Variants in PDE3B observed in about 807,000 individuals in gnomAD.
PDE3B encodes cGMP-inhibited 3',5'-cyclic phosphodiesterase 3B.
Under a neutral mutation model 116.8 loss-of-function variants are expected in PDE3B, and 66 were observed. That is an observed-to-expected ratio of 0.56 (90% CI 0.46 to 0.69). PDE3B has a LOEUF of 0.69. PDE3B is among the 30% of genes least tolerant of loss of function. PDE3B has a pLI of 0.00. For missense variants in PDE3B, 1,384 were observed against 1,368.1 expected, an observed-to-expected ratio of 1.01 and a Z score of -0.18; for synonymous variants, 595 against 533.6, an observed-to-expected ratio of 1.12 and a Z score of -1.59.
At chr11:14,817,484 T>C (rs1250005156) in intron 5 of PDE3B, among the ~76,000 whole-genome samples, 2 of 152,066 alleles carry the variant, frequency 1.3e-5, no homozygotes, top group African/African-American at 4.8e-5. Context: ...ATGCAGTGGC[T>C]TAAGCTTGTA....
intron 14 of PDE3B, 104 bp from the exon 15 acceptor site, chr11:14,867,402 T>A: frequency 1.1e-6 from 1 of 890,464 alleles, no homozygotes; most frequent in Non-Finnish European, 1.7e-6. Context: ...AATATTTTGA[T>A]ATAGATTGTT....
the PDE3B span, among the ~76,000 whole-genome samples, chr11:14,889,422 G>T: frequency 6.6e-6 from 1 of 152,164 alleles, no homozygotes; most frequent in Admixed American, 6.5e-5. Context: ...ATCAAATGCC[G>T]CTGTAGCCTA....
At chr11:14,842,309 A>AT (rs1205357356) in intron 11 of PDE3B, among the ~76,000 whole-genome samples, 2 of 152,222 alleles carry the variant, frequency 1.3e-5, no homozygotes, top group African/African-American at 4.8e-5. Flanking sequence ...TTGTACTGTT[A>AT]TTTTTTTGGA....
the PDE3B span, among the ~76,000 whole-genome samples, chr11:14,898,461 A>G: frequency 3.9e-5 from 6 of 152,106 alleles, no homozygotes; most frequent in Middle Eastern, 0.01. Context: ...TCTTAGCTAT[A>G]CTTCTGGAAG....
the PDE3B span, chr11:14,879,364 A>T: frequency 6.2e-7 from 1 of 1,611,634 alleles, no homozygotes; most frequent in African/African-American, 1.3e-5. Flanking sequence ...CTGCCTCAGT[A>T]TAAGGCATTT....
downstream of PDE3B, among the ~76,000 whole-genome samples, chr11:14,873,912 G>A (rs954290936): frequency 6.6e-6 from 1 of 152,144 alleles, no homozygotes; most frequent in Non-Finnish European, 1.5e-5. Flanking sequence ...TCTTGGCTGG[G>A]TGTGGTGGTT....
At chr11:14,730,618 C>G (rs1313320494) in intron 1 of PDE3B, among the ~76,000 whole-genome samples, 1 of 152,190 alleles carries the variant, frequency 6.6e-6, no homozygotes, top group Non-Finnish European at 1.5e-5. Context: ...ATTACTTTAA[C>G]AAGTTTCTGC....
At chr11:14,782,854 C>G (rs1436195461) in intron 2 of PDE3B, among the ~76,000 whole-genome samples, 1 of 152,138 alleles carries the variant, frequency 6.6e-6, no homozygotes, top group East Asian at 1.9e-4. Flanking sequence ...TTTTCGCACT[C>G]TATCCATCTG....
chr11:14,779,638 A>G lies in PDE3B; in HGVS notation c.1030-6799A>G, dbSNP rs1857910923. Among the ~76,000 whole-genome samples the G allele has an allele frequency of 3.9e-5, 6 of 152,332 alleles. No individual in the cohort carries two copies. The South Asian group carries it at 1.2e-3, about 32-fold the overall frequency. ...AATGCTGAGAGATTTTGTCACCACC[A>G]GGCCTGCCTTACAAGAGCTCCTGAA... On this transcript the variant is annotated intron_variant, in intron 2 of 15. Coordinates refer to ENST00000282096, the MANE Select transcript of PDE3B (RefSeq NM_000922.4).
intron 6 of PDE3B, 106 bp downstream of exon 6, chr11:14,818,499 C>G: frequency 1.5e-6 from 1 of 680,002 alleles, no homozygotes; most frequent in Admixed American, 2.8e-5. Flanking sequence ...AGCTAAATGA[C>G]CATAGTTTTT....
chr11:14,845,683 G>A lies in PDE3B; in HGVS notation c.2520+1657G>A, dbSNP rs574166319. Among the ~76,000 whole-genome samples, 7 of 152,308 alleles carry A rather than the reference G, an allele frequency of 4.6e-5. No homozygotes were observed. In the South Asian group the frequency reaches 8.3e-4, roughly 18 times the overall value. ...CTGAAAGCCAAGGCTCGAAAACTACGTGAAGAATGCAGAAGCCTCAGGAGC... is the reference window on the plus strand; with the variant it reads ...CTGAAAGCCAAGGCTCGAAAACTACATGAAGAATGCAGAAGCCTCAGGAGC... On this transcript the variant is annotated intron_variant, in intron 12 of 15. Coordinates refer to ENST00000282096, the MANE Select transcript of PDE3B (RefSeq NM_000922.4).
At chr11:14,769,644 T>G (rs138857667) in intron 1 of PDE3B, among the ~76,000 whole-genome samples, 1 of 147,484 alleles carries the variant, frequency 6.8e-6, no homozygotes, top group East Asian at 1.9e-4. Context: ...GTAAAATATA[T>G]GTACATATAT....
intron 1 of PDE3B, among the ~76,000 whole-genome samples, chr11:14,664,562 C>A (rs908464289): frequency 4.6e-5 from 7 of 152,008 alleles, no homozygotes; most frequent in African/African-American, 1.7e-4. Context: ...CAAATAGACA[C>A]AATAAAAAAT....
chr11:14,819,096 C>A, intron 6 of PDE3B, 40 bp from the exon 7 acceptor site: 1 of 1,235,528 alleles, frequency 8.1e-7, no homozygotes, highest in Non-Finnish European at 1.2e-6. Flanking sequence ...AAAACTTGTA[C>A]CTCATTTACC....
At chr11:14,818,046 G>A in intron 5 of PDE3B, 137 bp from the exon 6 acceptor site, 1 of 634,698 alleles carries the variant, frequency 1.6e-6, no homozygotes, top group Non-Finnish European at 2.7e-6. Context: ...GCCCCATGCA[G>A]GAATTTATAA....
At chr11:14,848,223 A>G (rs372891989) in intron 12 of PDE3B, among the ~76,000 whole-genome samples, 5 of 140,034 alleles carry the variant, frequency 3.6e-5, no homozygotes, top group Admixed American at 7.3e-5. Flanking sequence ...TATAAACAGA[A>G]CCAAAGACAA....
chr11:14,737,589 G>A (rs1018353263), intron 1 of PDE3B, among the ~76,000 whole-genome samples: 1 of 151,784 alleles, frequency 6.6e-6, no homozygotes, highest in Non-Finnish European at 1.5e-5. Context: ...AAAAAATTGA[G>A]GTGAAATTTG....
chr11:14,693,005 A>G (rs117088421), intron 1 of PDE3B, among the ~76,000 whole-genome samples: 3,774 of 152,320 alleles, frequency 0.025, 72 homozygotes, highest in Middle Eastern at 0.058. Flanking sequence ...GCGCTTCTCC[A>G]GTGAACACAA....
chr11:14,699,537 A>G (rs563961540), intron 1 of PDE3B, among the ~76,000 whole-genome samples: 4 of 151,978 alleles, frequency 2.6e-5, no homozygotes, highest in African/African-American at 9.6e-5. Context: ...TTTTCTAACA[A>G]TTGTTTCCTA....
Sources: gnomAD v4.1 joint callset for allele counts (sites outside exome capture counted in the v4.1 genomes callset) on GRCh38, gnomAD v4.1.1 for gene constraint, MANE v1.5 for transcripts, NCBI Gene and HGNC (gene_info 2026-07-23, HGNC 2026-07-21) for gene names.